FKBP5: variants seen among roughly 807,000 people sequenced by gnomAD.
The protein encoded by FKBP5 is peptidyl-prolyl cis-trans isomerase FKBP5.
Under a neutral mutation model 50.5 loss-of-function variants are expected in FKBP5, and 23 were observed. The ratio of observed to expected loss-of-function variants is 0.46; its 90% CI spans 0.33 to 0.65. The LOEUF (loss-of-function observed/expected upper bound fraction) is 0.65, where lower values mean the gene tolerates loss of function less well. FKBP5 is among the 30% of genes least tolerant of loss of function. The probability of loss-of-function intolerance (pLI) is 0.02; values close to 1 mark genes in which losing one functional copy is unlikely to be tolerated. For synonymous variants in FKBP5, 176 were observed against 190.6 expected (o/e 0.92, Z 0.63); for missense variants, 411 against 553.1 (o/e 0.74, Z 2.58).
chr6:35,597,423 G>T lies in FKBP5; in HGVS notation c.509-19C>A. ...AGGTGGACTGAGGGCAAGGAGACAG[G>T]AGAGTCAACAGAGCTGCTTCTTAGG... On this transcript the variant is annotated intron_variant, in intron 5 of 10. Transcript: ENST00000357266. 1 of 1,609,148 alleles carries T rather than the reference G, an allele frequency of 6.2e-7. No homozygotes were observed. Among genetic ancestry groups the T allele is most frequent in the Non-Finnish European group, 8.5e-7 (1 of 1,178,274 alleles).
intron 2 of FKBP5, among the ~76,000 whole-genome samples, chr6:35,709,943 A>G (rs1766386007): frequency 6.6e-6 from 1 of 152,012 alleles, no homozygotes; most frequent in Non-Finnish European, 1.5e-5. Flanking sequence ...AAACAGGGTA[A>G]TGCGATAAAA....
chr6:35,685,556 AT>A (rs1219407119), intron 1 of FKBP5, among the ~76,000 whole-genome samples: 1 of 152,258 alleles, frequency 6.6e-6, no homozygotes, highest in Non-Finnish European at 1.5e-5. Context: ...TTTGTTAAAC[AT>A]GAATTACAAA....
chr6:35,727,589 A>G (rs1245290892), intron 1 of FKBP5, among the ~76,000 whole-genome samples: 4 of 152,188 alleles, frequency 2.6e-5, no homozygotes, highest in Non-Finnish European at 4.4e-5. Flanking sequence ...GCTTCTGTGA[A>G]GGATCAGGGA....
intron 1 of FKBP5, among the ~76,000 whole-genome samples, chr6:35,653,020 T>G (rs150256650): frequency 2.0e-5 from 3 of 152,258 alleles, no homozygotes; most frequent in African/African-American, 7.2e-5. Flanking sequence ...AGAAGGGATA[T>G]TATGATACCT....
intron 1 of FKBP5, among the ~76,000 whole-genome samples, chr6:35,688,197 T>C (rs10947564): frequency 0.17 from 26,471 of 152,176 alleles, 2,405 homozygotes; most frequent in East Asian, 0.37. Flanking sequence ...GGACCGCCCG[T>C]CCACACCCGG....
At chr6:35,634,541 T>C (rs1232805743) in intron 3 of FKBP5, among the ~76,000 whole-genome samples, 2 of 151,942 alleles carry the variant, frequency 1.3e-5, no homozygotes, top group African/African-American at 4.8e-5. Flanking sequence ...GGCACACAAA[T>C]GATACAGGAA....
intron 3 of FKBP5, among the ~76,000 whole-genome samples, chr6:35,628,016 G>A (rs933065048): frequency 6.2e-5 from 9 of 144,410 alleles, no homozygotes; most frequent in Middle Eastern, 3.7e-3. Flanking sequence ...CAGGTGATCC[G>A]CCCGCCTCGG....
intron 1 of FKBP5, among the ~76,000 whole-genome samples, chr6:35,671,274 A>C (rs114559975): frequency 0.027 from 4,018 of 151,504 alleles, 116 homozygotes; most frequent in African/African-American, 0.064. Flanking sequence ...AAAAAAAAAA[A>C]AAAATAATAA....
rs1182220152 is a variant in FKBP5, at chr6:35,588,027, TTATTA to T, written c.757-915_757-911del. 2.7e-3 allele frequency among the ~76,000 whole-genome samples: 408 copies of T among 151,186 alleles called. 4 individuals are homozygous for T. The highest frequency in any genetic ancestry group is 8.3e-3 in the African/African-American group (341 of 41,080). Reference sequence around the variant, plus strand: ...TCCTCTACTTTTATTATTATTATTATTATTATTTTTTTTTTGAGACGGAGTTTCGC... The same window carrying T: ...TCCTCTACTTTTATTATTATTATTATTTTTTTTTTTGAGACGGAGTTTCGC... On this transcript the variant is annotated intron_variant, in intron 7 of 10. Transcript: ENST00000357266.
intron 1 of FKBP5, among the ~76,000 whole-genome samples, chr6:35,727,690 G>C (rs1766743693): frequency 6.6e-6 from 1 of 152,236 alleles, no homozygotes; most frequent in African/African-American, 2.4e-5. Flanking sequence ...CTGCGTCCCA[G>C]GTCTCGCAAG....
intron 9 of FKBP5, among the ~76,000 whole-genome samples, chr6:35,578,827 T>A (rs1762317536): frequency 6.6e-6 from 1 of 151,602 alleles, no homozygotes; most frequent in African/African-American, 2.4e-5. Context: ...AAGATAGGGT[T>A]AATAGTGATG....
intron 1 of FKBP5, among the ~76,000 whole-genome samples, chr6:35,722,011 C>T (rs947139719): frequency 3.3e-5 from 5 of 152,200 alleles, no homozygotes; most frequent in African/African-American, 9.6e-5. Flanking sequence ...CAGATGTTAA[C>T]GTGACTAGTT....
intron 3 of FKBP5, among the ~76,000 whole-genome samples, chr6:35,629,509 AAAACAAAC>A (rs60537217): frequency 6.6e-6 from 1 of 152,164 alleles, no homozygotes; most frequent in East Asian, 1.9e-4. Context: ...GCTTATAATT[AAAACAAAC>A]AAACAAACAA....
chr6:35,683,125 T>TGTGC (rs1351870956), intron 1 of FKBP5, among the ~76,000 whole-genome samples: 138 of 9,378 alleles, frequency 0.015, 1 homozygote, highest in African/African-American at 0.047. Flanking sequence ...CGTATATGTG[T>TGTGC]GTGTGTGTGT....
At chr6:35,586,817 A>G in intron 8 of FKBP5, 1 of 1,424,786 alleles carries the variant, frequency 7.0e-7, no homozygotes, top group Admixed American at 2.8e-5. Context: ...GTTACAATCT[A>G]GAGCAGAATG....
chr6:35,654,385 T>C (rs1473524143), intron 1 of FKBP5, among the ~76,000 whole-genome samples: 1 of 152,250 alleles, frequency 6.6e-6, no homozygotes, highest in Non-Finnish European at 1.5e-5. Context: ...TTTGGCAGCA[T>C]AATTGAATAA....
intron 5 of FKBP5, among the ~76,000 whole-genome samples, chr6:35,601,592 C>A (rs577603227): frequency 6.6e-6 from 1 of 152,234 alleles, no homozygotes; most frequent in South Asian, 2.1e-4. Context: ...CAAAACAGAA[C>A]AAAAACCATG....
At chr6:35,590,535 T>G (rs1762783476) in intron 7 of FKBP5, among the ~76,000 whole-genome samples, 1 of 152,128 alleles carries the variant, frequency 6.6e-6, no homozygotes, top group Non-Finnish European at 1.5e-5. Flanking sequence ...GGAGGCATGC[T>G]GTTTCTGGAA....
Position 35,619,940 on chromosome 6 carries a change from C to T in FKBP5, c.393+192G>A, listed in dbSNP as rs190183325. Reference sequence around the variant, plus strand: ...ATATGACCTTTTTGTGCTAGAAACACGTTTCTAAGAAAGCACTGGCACGCG... The same window carrying T: ...ATATGACCTTTTTGTGCTAGAAACATGTTTCTAAGAAAGCACTGGCACGCG... On this transcript the variant is annotated intron_variant, in intron 4 of 10. Coordinates refer to ENST00000357266, the MANE Select transcript of FKBP5 (RefSeq NM_004117.4). Among the ~76,000 whole-genome samples the T allele has an allele frequency of 1.5e-3, 226 of 152,222 alleles. 1 individual carries two copies. Among genetic ancestry groups the T allele is most frequent in the Non-Finnish European group, 2.5e-3 (168 of 68,002 alleles).
Sources: gnomAD v4.1 joint callset for allele counts (sites outside exome capture counted in the v4.1 genomes callset) on GRCh38, gnomAD v4.1.1 for gene constraint, MANE v1.5 for transcripts, NCBI Gene and HGNC (gene_info 2026-07-23, HGNC 2026-07-21) for gene names.